ATP13A3: variants seen among roughly 807,000 people sequenced by gnomAD.
The protein encoded by ATP13A3 is polyamine-transporting ATPase 13A3.
Under a neutral mutation model 158.1 loss-of-function variants are expected in ATP13A3, and 59 were observed. The ratio of observed to expected loss-of-function variants is 0.37; its 90% confidence interval spans 0.30 to 0.46. The LOEUF is 0.46. Among genes scored for constraint, ATP13A3 ranks in the 20% least tolerant of loss-of-function variants. ATP13A3 has a pLI of 1.00. For synonymous variants in ATP13A3, 491 were observed against 504.3 expected (o/e 0.97, Z 0.35); for missense variants, 1,166 against 1,525.2 (o/e 0.76, Z 3.92).
chr3:194,413,946 C>T, intron 31 of ATP13A3, 107 bp from the exon 32 acceptor site: 1 of 891,194 alleles, frequency 1.1e-6, no homozygotes, highest in Non-Finnish European at 1.8e-6. Flanking sequence ...TACCAAACAC[C>T]TTCATATACA....
intron 8 of ATP13A3, 152 bp downstream of exon 8, chr3:194,455,741 C>T: frequency 3.5e-6 from 2 of 568,002 alleles, no homozygotes; most frequent in Non-Finnish European, 6.1e-6. Flanking sequence ...CTTTCTCTAC[C>T]AGAGTAAATG....
chr3:194,416,704 GAAAC>G (rs1715880854), intron 31 of ATP13A3, among the ~76,000 whole-genome samples: 2 of 152,244 alleles, frequency 1.3e-5, no homozygotes, highest in South Asian at 2.1e-4. Flanking sequence ...TGAAATGTCA[GAAAC>G]AAACTGCTGG....
intron 33 of ATP13A3, among the ~76,000 whole-genome samples, chr3:194,410,473 T>C (rs898021149): frequency 2.0e-5 from 3 of 151,676 alleles, no homozygotes; most frequent in African/African-American, 7.3e-5. Flanking sequence ...GAGGCTGAGG[T>C]GGGAGGATCA....
At chr3:194,482,202 A>G (rs1166853097) in intron 2 of ATP13A3, among the ~76,000 whole-genome samples, 2 of 152,124 alleles carry the variant, frequency 1.3e-5, no homozygotes, top group Non-Finnish European at 2.9e-5. Flanking sequence ...ATTTTTTCCA[A>G]TTACCATTTA....
At chr3:194,479,100 CG>C (rs941889107) in intron 2 of ATP13A3, among the ~76,000 whole-genome samples, 1 of 152,036 alleles carries the variant, frequency 6.6e-6, no homozygotes, top group South Asian at 2.1e-4. Flanking sequence ...AGGATTGGGG[CG>C]GGGGGTACTC....
rs553899593 is a variant in ATP13A3 at position 194,438,757 on chromosome 3, A to G, written c.1827+99T>C. 30 of 740,682 alleles carry G rather than the reference A, an allele frequency of 4.1e-5. No individual in the cohort carries two copies. The African/African-American group carries it at 5.0e-4, about 12-fold the overall frequency. 45.9% of individuals were successfully genotyped at this position (740,682 alleles called of 1,614,324 possible). Reference sequence around the variant, plus strand: ...AGTTTGAGACCAGCCTGGGCAACATAGCAAGACCTTGTCTCTATAAAAAAT... The same window carrying G: ...AGTTTGAGACCAGCCTGGGCAACATGGCAAGACCTTGTCTCTATAAAAAAT... On this transcript the variant is annotated intron_variant, in intron 17 of 33. Transcript: ENST00000645319.
At chr3:194,413,529 C>T (rs750571573) in intron 32 of ATP13A3, among the ~76,000 whole-genome samples, 4 of 152,220 alleles carry the variant, frequency 2.6e-5, no homozygotes, top group African/African-American at 4.8e-5. Flanking sequence ...TTTATTATCA[C>T]ATTGCTTATT....
chr3:194,466,072 A>C (rs1301357949), intron 2 of ATP13A3, among the ~76,000 whole-genome samples: 1 of 152,196 alleles, frequency 6.6e-6, no homozygotes, highest in African/African-American at 2.4e-5. Flanking sequence ...AATAAAAATG[A>C]TATATTGAAA....
At chr3:194,484,277 G>A (rs1012073392) in intron 2 of ATP13A3, among the ~76,000 whole-genome samples, 13 of 152,202 alleles carry the variant, frequency 8.5e-5, no homozygotes, top group Non-Finnish European at 1.8e-4. Context: ...ATTGTTACCT[G>A]AAAGTGTTGA....
intron 11 of ATP13A3, among the ~76,000 whole-genome samples, chr3:194,449,331 A>T (rs1718637145): frequency 6.6e-6 from 1 of 152,134 alleles, no homozygotes; most frequent in Non-Finnish European, 1.5e-5. Flanking sequence ...ATTACATATA[A>T]ATCATTTTCT....
At chr3:194,439,087 TA>T (rs1416924317) in intron 16 of ATP13A3, 115 bp from the exon 17 acceptor site, 60 of 603,218 alleles carry the variant, frequency 9.9e-5, no homozygotes, top group South Asian at 2.5e-4. Flanking sequence ...TTTCAATAAT[TA>T]AAAAAAATGT....
intron 28 of ATP13A3, 41 bp from the exon 29 acceptor site, chr3:194,427,293 T>C (rs772930121): frequency 6.6e-7 from 1 of 1,525,464 alleles, no homozygotes; most frequent in Non-Finnish European, 8.9e-7. Context: ...GTATTTACAT[T>C]AATCTATCAC....
chr3:194,431,686 C>CT (rs778637027), intron 22 of ATP13A3, 31 bp downstream of exon 22: 1 of 1,477,930 alleles, frequency 6.8e-7, no homozygotes, highest in Non-Finnish European at 9.0e-7. Context: ...AATCAACAAA[C>CT]TTTAAAACGG....
intron 2 of ATP13A3, among the ~76,000 whole-genome samples, chr3:194,464,185 C>T (rs1719851529): frequency 6.6e-6 from 1 of 152,110 alleles, no homozygotes; most frequent in African/African-American, 2.4e-5. Context: ...TCTGTCTGTA[C>T]AGTTACTTAC....
intron 11 of ATP13A3, among the ~76,000 whole-genome samples, chr3:194,449,695 A>C (rs1718671198): frequency 7.0e-6 from 1 of 143,304 alleles, no homozygotes; most frequent in African/African-American, 2.7e-5. Context: ...CAAACAAAAA[A>C]AAAACAAAAA....
intron 33 of ATP13A3, among the ~76,000 whole-genome samples, chr3:194,407,957 G>A (rs1715063939): frequency 6.6e-6 from 1 of 151,086 alleles, no homozygotes; most frequent in African/African-American, 2.4e-5. Context: ...CTCCCAAGGT[G>A]TCATTTGTCA....
intron 6 of ATP13A3, among the ~76,000 whole-genome samples, chr3:194,458,778 T>C (rs1719431636): frequency 6.6e-6 from 1 of 152,216 alleles, no homozygotes; most frequent in African/African-American, 2.4e-5. Flanking sequence ...AATGTTCCAA[T>C]TCATTAGTGT....
chr3:194,465,225 G>C (rs1204955134), intron 2 of ATP13A3, among the ~76,000 whole-genome samples: 1 of 152,166 alleles, frequency 6.6e-6, no homozygotes, highest in Non-Finnish European at 1.5e-5. Context: ...AAAAAAGGGA[G>C]GACAGGGAAC....
chr3:194,466,557 G>A (rs1168663162), intron 2 of ATP13A3, among the ~76,000 whole-genome samples: 2 of 152,122 alleles, frequency 1.3e-5, no homozygotes, highest in Non-Finnish European at 2.9e-5. Context: ...ATTGACCAGG[G>A]GATGGCCATG....
Sources: allele counts gnomAD v4.1 joint callset (sites outside exome capture counted in the v4.1 genomes callset), GRCh38; gene constraint gnomAD v4.1.1; transcripts MANE v1.5; gene names NCBI Gene and HGNC (gene_info 2026-07-23, HGNC 2026-07-21).